L2HGDH: variants seen among roughly 807,000 people sequenced by gnomAD.
L2HGDH encodes L-2-hydroxyglutarate dehydrogenase, mitochondrial.
Under a neutral mutation model 51.5 loss-of-function variants are expected in L2HGDH, and 34 were observed. The observed-to-expected ratio is 0.66, with a 90% CI of 0.50 to 0.88. The LOEUF (loss-of-function observed/expected upper bound fraction) is 0.88, where lower values mean the gene tolerates loss of function less well. L2HGDH is among the 40% of genes least tolerant of loss of function. L2HGDH has a pLI of 0.00. For synonymous variants in L2HGDH, 198 were observed against 197.9 expected (o/e 1.00, Z -0.01); for missense variants, 558 against 571.9 (o/e 0.98, Z 0.25).
In L2HGDH at chr14:50,267,804, T is replaced by TA. The variant is rs544732344; in HGVS notation, c.1012dup (p.Tyr338LeufsTer5). ...TGTGGCACTGAAGTCAAAGGGTCTG[T>TA]AACCCTCTCGTTTAAAGGCAAGAAC... is the stretch of plus-strand genomic sequence containing the variant. On this transcript the variant is annotated frameshift_variant, in exon 8 of 10. Transcript: ENST00000267436. LOFTEE classifies it high-confidence loss of function. 9 of 1,613,240 alleles carry TA rather than the reference T, an allele frequency of 5.6e-6. No homozygotes were observed. The highest frequency in any genetic ancestry group is 7.6e-6 in the Non-Finnish European group (9 of 1,179,246).
At chr14:50,269,120 A>G (rs1889517122) in intron 7 of L2HGDH, 43 bp downstream of exon 7, 1 of 1,569,052 alleles carries the variant, frequency 6.4e-7, no homozygotes, top group East Asian at 2.3e-5. Flanking sequence ...TATGACCACC[A>G]CCTGCTTGAA....
At position 50,265,346 on chromosome 14, in the gene L2HGDH, C is replaced by T. The variant is rs768586031; in HGVS notation, c.1196+12G>A. On this transcript the variant is annotated intron_variant, in intron 9 of 9. Transcript: ENST00000267436. ...CAGGACTGTATTTACACTCCTTATC[C>T]CTTTTCCTTACCTAAGTATATCACT... is the stretch of plus-strand genomic sequence containing the variant. 1 of 1,607,910 alleles carries T rather than the reference C, an allele frequency of 6.2e-7. No individual in the cohort carries two copies.
At chr14:50,285,022 C>T (rs529162730) in intron 4 of L2HGDH, among the ~76,000 whole-genome samples, 53 of 152,162 alleles carry the variant, frequency 3.5e-4, no homozygotes, top group African/African-American at 1.3e-3. Context: ...CTGAGGCAGG[C>T]GGATCACAAG....
intron 9 of L2HGDH, among the ~76,000 whole-genome samples, chr14:50,258,042 T>A (rs1301984834): frequency 7.5e-5 from 11 of 147,016 alleles, no homozygotes; most frequent in African/African-American, 2.8e-4. Context: ...CACTTTTTTT[T>A]AAATGGAAAA....
intron 9 of L2HGDH, among the ~76,000 whole-genome samples, chr14:50,258,833 T>C (rs1164948518): frequency 6.6e-6 from 1 of 151,472 alleles, no homozygotes; most frequent in Non-Finnish European, 1.5e-5. Flanking sequence ...TAGTATTTTA[T>C]AATTTTTTAT....
At chr14:50,264,321 C>A (rs1329725129) in intron 9 of L2HGDH, among the ~76,000 whole-genome samples, 2 of 151,920 alleles carry the variant, frequency 1.3e-5, no homozygotes, top group African/African-American at 2.4e-5. Flanking sequence ...GAGGTTGCAG[C>A]GAGCTGAGAT....
At chr14:50,284,721 A>G (rs1566526248) in intron 4 of L2HGDH, among the ~76,000 whole-genome samples, 1 of 152,122 alleles carries the variant, frequency 6.6e-6, no homozygotes, top group Non-Finnish European at 1.5e-5. Context: ...CTTTTTTTGT[A>G]TATATCAGTT....
At chr14:50,310,482 G>A (rs2031041123) in intron 1 of L2HGDH, among the ~76,000 whole-genome samples, 1 of 152,108 alleles carries the variant, frequency 6.6e-6, no homozygotes, top group African/African-American at 2.4e-5. Flanking sequence ...TGAAGAGGGA[G>A]GTTCACTTGA....
chr14:50,279,713 A>C (rs1890158506), intron 5 of L2HGDH, among the ~76,000 whole-genome samples: 1 of 152,028 alleles, frequency 6.6e-6, no homozygotes, highest in South Asian at 2.1e-4. Flanking sequence ...GAAGAAAGTA[A>C]AGAGGAAAAA....
Position 50,257,620 on chromosome 14 carries a change from G to A in L2HGDH, c.1196+7738C>T, listed in dbSNP as rs2007750. Among the ~76,000 whole-genome samples the A allele has an allele frequency of 2.0e-5, 3 of 152,144 alleles. No individual in the cohort carries two copies. In the South Asian group the frequency reaches 6.2e-4, roughly 32 times the overall value. The stretch of plus-strand genomic sequence containing the variant: ...TCCTGGACCCAAACAATCCTCCCAC[G>A]TTGGCCTCCCAAAGTTCTGGGATTA... On this transcript the variant is annotated intron_variant, in intron 9 of 9. Transcript: ENST00000267436.
chr14:50,299,446 G>T (rs2030276182), intron 3 of L2HGDH, among the ~76,000 whole-genome samples: 1 of 152,120 alleles, frequency 6.6e-6, no homozygotes, highest in African/African-American at 2.4e-5. Flanking sequence ...TAAAGTAGAG[G>T]AGGAAATATT....
intron 4 of L2HGDH, chr14:50,293,066 T>C: frequency 1.8e-6 from 1 of 566,854 alleles, no homozygotes; most frequent in Non-Finnish European, 3.1e-6. Flanking sequence ...GGAGCTGTGA[T>C]CACGTCACTG....
rs945370938 is a variant in L2HGDH at position 50,243,355 on chromosome 14, A to G, written c.*3703T>C. On this transcript the variant is annotated 3_prime_UTR_variant, in exon 10 of 10. Coordinates refer to ENST00000267436, the MANE Select transcript of L2HGDH (RefSeq NM_024884.3). ...ATTTTGTATTATATACTAACACAGAAATGAGTTTTTTAAAAAGGTTGGCTG... is the reference window on the plus strand; with the variant it reads ...ATTTTGTATTATATACTAACACAGAGATGAGTTTTTTAAAAAGGTTGGCTG... 3.0e-6 allele frequency: 3 copies of G among 984,658 alleles called. No homozygotes were observed. The African/African-American group carries it at 5.2e-5, about 17-fold the overall frequency. The allele number at this position is 984,658 out of a possible 1,614,324, so 61.0% of individuals were successfully genotyped here. A position where few individuals can be genotyped will look rare whatever the true frequency, so the allele number is the denominator to read the frequency against.
At chr14:50,256,258 T>C (rs989602470) in intron 9 of L2HGDH, among the ~76,000 whole-genome samples, 2 of 152,120 alleles carry the variant, frequency 1.3e-5, no homozygotes, top group African/African-American at 4.8e-5. Context: ...CTCATGCCTA[T>C]AATCCCAATG....
chr14:50,295,369 T>C (rs2029967001), intron 3 of L2HGDH, among the ~76,000 whole-genome samples: 1 of 152,088 alleles, frequency 6.6e-6, no homozygotes, highest in East Asian at 1.9e-4. Flanking sequence ...GACAAGACCC[T>C]GTCTCTTAAA....
intron 9 of L2HGDH, among the ~76,000 whole-genome samples, chr14:50,263,853 G>A (rs1398900969): frequency 6.8e-6 from 1 of 147,262 alleles, no homozygotes; most frequent in Non-Finnish European, 1.5e-5. Context: ...TTGCCTCACT[G>A]CAACCTCTGC....
Position 50,267,844 on chromosome 14 carries a change from G to A in L2HGDH, c.973C>T (p.Leu325=). Residue 325 remains leucine, a synonymous_variant, in exon 8 of 10, where the codon CTA becomes TTA. Transcript: ENST00000267436. ...AAGGCAAGAACTGCATTAGGCCCTA[G>A]CCAAATACTGCCATCCATCCTTGGT... The part of the protein sequence containing the change: ...FTPRMDGSIW[L]GPNAVLAFKR... 2.5e-6 allele frequency: 4 copies of A among 1,613,942 alleles called. No homozygotes were observed. Among genetic ancestry groups the A allele is most frequent in the Non-Finnish European group, 3.4e-6 (4 of 1,179,800 alleles).
chr14:50,255,647 C>T (rs149072083), intron 9 of L2HGDH, among the ~76,000 whole-genome samples: 67 of 152,058 alleles, frequency 4.4e-4, no homozygotes, highest in African/African-American at 1.4e-3. Context: ...CCCAAATGTG[C>T]AGATCTGTGT....
intron 5 of L2HGDH, among the ~76,000 whole-genome samples, chr14:50,280,064 G>GA (rs201567688): frequency 0.014 from 1,642 of 118,056 alleles, 25 homozygotes; most frequent in African/African-American, 0.049. Flanking sequence ...CGTCTCAAAA[G>GA]AAAAAAAAAA....
Sources: gnomAD v4.1 joint callset for allele counts (sites outside exome capture counted in the v4.1 genomes callset) on GRCh38, gnomAD v4.1.1 for gene constraint, MANE v1.5 for transcripts, NCBI Gene and HGNC (gene_info 2026-07-23, HGNC 2026-07-21) for gene names.